The following UQCRH variants were observed in gnomAD, a reference collection of about 807,000 sequenced individuals.
UQCRH encodes ubiquinol-cytochrome c reductase hinge protein, also known as cytochrome b-c1 complex subunit 6, mitochondrial.
UQCRH carries 14 observed loss-of-function variants against 16.3 expected under a neutral mutation model. The ratio of observed to expected loss-of-function variants is 0.86; its 90% CI spans 0.57 to 1.34. The LOEUF (loss-of-function observed/expected upper bound fraction) is 1.34. Ranked by LOEUF, UQCRH falls within the 40% of genes most tolerant of loss-of-function variation. UQCRH has a pLI of 0.00. For missense variants in UQCRH, 89 were observed against 111.9 expected, an observed-to-expected ratio of 0.80 and a Z score of 0.92; for synonymous variants, 41 against 41.9, an observed-to-expected ratio of 0.98 and a Z score of 0.08.
chr1:46,314,387 G>T (rs1319211350), intron 3 of UQCRH, among the ~76,000 whole-genome samples: 1 of 151,212 alleles, frequency 6.6e-6, no homozygotes, highest in Non-Finnish European at 1.5e-5. Flanking sequence ...AAAAAGAGAA[G>T]GGGCTGGGCA....
intron 1 of UQCRH, among the ~76,000 whole-genome samples, chr1:46,306,436 T>C (rs1225611270): frequency 2.1e-5 from 3 of 145,944 alleles, no homozygotes; most frequent in African/African-American, 7.5e-5. Context: ...TGGAGTACAG[T>C]GGCGCGATCT....
chr1:46,309,298 C>T (rs1014826584), intron 2 of UQCRH, 171 bp downstream of exon 2: 6 of 727,536 alleles, frequency 8.2e-6, no homozygotes, highest in Admixed American at 3.4e-5. Flanking sequence ...GCCTTGGAAG[C>T]TGAGTCTGTT....
chr1:46,314,436 C>T lies in UQCRH; in HGVS notation c.244-2116C>T, dbSNP rs930759850. Among the ~76,000 whole-genome samples the T allele has an allele frequency of 2.0e-5, 3 of 151,456 alleles. No individual in the cohort carries two copies. The South Asian group carries it at 6.3e-4, about 32-fold the overall frequency. ...CTGTAATCCCAGCTTTTTGGGAGGC[C>T]GAGGCAAGTGGATCACCTGCTGTCC... On this transcript the variant is annotated intron_variant, in intron 3 of 3. Coordinates refer to ENST00000311672, the MANE Select transcript of UQCRH (RefSeq NM_006004.4).
chr1:46,309,419 T>C (rs1312948061), intron 2 of UQCRH: 1 of 361,134 alleles, frequency 2.8e-6, no homozygotes. Context: ...GGGCTAGGCA[T>C]GGTGGCTCGT....
At chr1:46,315,075 C>T (rs750256527) in intron 3 of UQCRH, among the ~76,000 whole-genome samples, 1 of 152,104 alleles carries the variant, frequency 6.6e-6, no homozygotes, top group East Asian at 1.9e-4. Context: ...CCAAGGCAGG[C>T]ATGTCACTTG....
At chr1:46,311,329 AGGCGGAGGCG>A (rs1661469691) in intron 3 of UQCRH, among the ~76,000 whole-genome samples, 1 of 137,426 alleles carries the variant, frequency 7.3e-6, no homozygotes, top group African/African-American at 3.2e-5. Flanking sequence ...TGGGAGGCGG[AGGCGGAGGCG>A]GAGGCGGAGG....
intron 1 of UQCRH, among the ~76,000 whole-genome samples, chr1:46,304,493 C>T (rs1661325361): frequency 6.6e-6 from 1 of 151,646 alleles, no homozygotes. Context: ...TCAAGCGATT[C>T]TCCTGCCTCA....
chr1:46,312,157 G>T (rs1488131001), intron 3 of UQCRH, among the ~76,000 whole-genome samples: 1 of 151,438 alleles, frequency 6.6e-6, no homozygotes, highest in African/African-American at 2.4e-5. Flanking sequence ...GTGCAGTGGC[G>T]CAATCTTGGC....
chr1:46,310,448 G>A (rs994848934), intron 3 of UQCRH, 132 bp downstream of exon 3: 2 of 1,338,160 alleles, frequency 1.5e-6, no homozygotes. Context: ...ATGGTGCGCT[G>A]AGCATTTTAT....
At chr1:46,311,048 C>T (rs912800303) in intron 3 of UQCRH, among the ~76,000 whole-genome samples, 2 of 149,970 alleles carry the variant, frequency 1.3e-5, no homozygotes, top group Non-Finnish European at 3.0e-5. Flanking sequence ...GCAGTCTGGC[C>T]TGGGCGACAG....
At position 46,309,134 on chromosome 1, in the gene UQCRH, A is replaced by C; in HGVS notation, c.81+7A>C. ...GGAAGAGGAGGAATTAGTGGTAAGA[A>C]CTGTCTCAGGTTTGGAAACATCTCA... is the stretch of plus-strand genomic sequence containing the variant. On this transcript the variant is annotated splice_region_variant and intron_variant, in intron 2 of 3. Transcript: ENST00000311672. The C allele has an allele frequency of 3.7e-6, 6 of 1,612,042 alleles. No homozygotes were observed. Among genetic ancestry groups the C allele is most frequent in the Non-Finnish European group, 5.1e-6 (6 of 1,179,562 alleles).
intron 3 of UQCRH, among the ~76,000 whole-genome samples, chr1:46,311,781 T>C (rs1661482952): frequency 6.6e-6 from 1 of 150,894 alleles, no homozygotes; most frequent in African/African-American, 2.4e-5. Context: ...TTTTTTTTTG[T>C]TTGTTTGTTT....
rs1026049355 is a variant in UQCRH, at chr1:46,316,766, T to C, written c.*182T>C. 9 of 794,460 alleles carry C rather than the reference T, an allele frequency of 1.1e-5. No homozygotes were observed. The highest frequency in any genetic ancestry group is 2.6e-5 in the South Asian group (1 of 38,844). The allele number at this position is 794,460 out of a possible 1,614,324, so 49.2% of individuals were successfully genotyped here. A position where few individuals can be genotyped will look rare whatever the true frequency, so the allele number is the denominator to read the frequency against. ...TGATTCCATCTAAATAAAAGTTCTA[T>C]GATCTGCAAACCTGCCCGTCTTTTT... On this transcript the variant is annotated 3_prime_UTR_variant, in exon 4 of 4. Coordinates refer to ENST00000311672, the MANE Select transcript of UQCRH (RefSeq NM_006004.4).
intron 3 of UQCRH, among the ~76,000 whole-genome samples, chr1:46,315,034 C>T (rs763229505): frequency 6.6e-6 from 1 of 152,150 alleles, no homozygotes; most frequent in African/African-American, 2.4e-5. Flanking sequence ...GGGCCTTGTG[C>T]GGTGGTTCAC....
At chr1:46,315,568 T>C (rs1461659616) in intron 3 of UQCRH, among the ~76,000 whole-genome samples, 8 of 119,358 alleles carry the variant, frequency 6.7e-5, no homozygotes, top group African/African-American at 2.7e-4. Context: ...CACTCCAGCC[T>C]GGGGGACAGA....
In UQCRH at chr1:46,310,251, C is replaced by T. The variant is rs1422234980; in HGVS notation, c.178C>T (p.Arg60Ter). 5.0e-6 allele frequency: 8 copies of T among 1,614,062 alleles called. No individual in the cohort carries two copies. The highest frequency in any genetic ancestry group is 4.5e-5 in the East Asian group (2 of 44,900). ...LELCDERVSSRSHTEEDCTEE... is the reference protein window; with the variant it reads ...LELCDERVSS ...GCTCTGTGATGAGCGTGTATCCTCT[C>T]GATCACATACAGAAGAGGATTGCAC... Residue 60 changes from arginine to a stop codon, truncating the protein, a stop_gained, in exon 3 of 4, where the codon CGA becomes TGA. Coordinates refer to ENST00000311672, the MANE Select transcript of UQCRH (RefSeq NM_006004.4). LOFTEE classifies it high-confidence loss of function.
rs1460245742 is a variant in UQCRH, at chr1:46,307,860, T to C, written c.55-1241T>C. Among the ~76,000 whole-genome samples the C allele has an allele frequency of 2.0e-5, 3 of 152,178 alleles. No homozygotes were observed. In the East Asian group the frequency reaches 5.8e-4, roughly 29 times the overall value. ...TCATATTCCTAATTCAAGTTCACAG[T>C]CTAGAAAAAAATGGGTTTTCCTCCT... On this transcript the variant is annotated intron_variant, in intron 1 of 3. Transcript: ENST00000311672.
intron 3 of UQCRH, among the ~76,000 whole-genome samples, chr1:46,313,472 C>G (rs1393120819): frequency 6.6e-6 from 1 of 151,786 alleles, no homozygotes; most frequent in Non-Finnish European, 1.5e-5. Context: ...ACTAAAAATA[C>G]AAAAAAATTA....
chr1:46,314,824 A>G (rs1228786764), intron 3 of UQCRH, among the ~76,000 whole-genome samples: 1 of 124,906 alleles, frequency 8.0e-6, no homozygotes, highest in Non-Finnish European at 1.8e-5. Context: ...ATAGAGACAG[A>G]AAGTAGAATG....
Sources: gnomAD v4.1 joint callset for allele counts (sites outside exome capture counted in the v4.1 genomes callset) on GRCh38, gnomAD v4.1.1 for gene constraint, MANE v1.5 for transcripts, NCBI Gene and HGNC (gene_info 2026-07-23, HGNC 2026-07-21) for gene names.